Variants in RBFOX2 observed in about 807,000 individuals in gnomAD.
The protein encoded by RBFOX2 is RNA binding protein fox-1 homolog 2.
A neutral mutation model predicts 49.1 loss-of-function variants in RBFOX2; 10 were observed. The ratio of observed to expected loss-of-function variants is 0.20; its 90% CI spans 0.13 to 0.35. The LOEUF (loss-of-function observed/expected upper bound fraction) is 0.35. RBFOX2 is among the 10% of genes least tolerant of loss of function. RBFOX2 has a pLI of 1.00. For synonymous variants in RBFOX2, 183 were observed against 187.4 expected, an observed-to-expected ratio of 0.98 and a Z score of 0.19; for missense variants, 323 against 486.9, an observed-to-expected ratio of 0.66 and a Z score of 3.17.
chr22:35,925,391 T>C (rs1332770018), intron 1 of RBFOX2, among the ~76,000 whole-genome samples: 1 of 151,976 alleles, frequency 6.6e-6, no homozygotes, highest in African/African-American at 2.4e-5. Context: ...CTAGGCGTGG[T>C]AGCACATGCA....
intron 1 of RBFOX2, chr22:35,822,031 C>G (rs1006173456): frequency 9.9e-6 from 5 of 503,092 alleles, no homozygotes; most frequent in African/African-American, 9.7e-5. Flanking sequence ...AGGCCTATTA[C>G]AAAGAGAGGG....
intron 1 of RBFOX2, among the ~76,000 whole-genome samples, chr22:35,973,274 T>A (rs938195124): frequency 2.0e-5 from 3 of 152,236 alleles, no homozygotes; most frequent in Non-Finnish European, 4.4e-5. Flanking sequence ...ACTGTTCTAA[T>A]AAATCTGAAG....
chr22:35,981,180 A>C (rs2057439652), intron 1 of RBFOX2, among the ~76,000 whole-genome samples: 1 of 152,176 alleles, frequency 6.6e-6, no homozygotes, highest in Non-Finnish European at 1.5e-5. Context: ...AGTTAGGTAG[A>C]TTGAGCAAGG....
At chr22:35,975,727 A>C (rs1051131933) in intron 1 of RBFOX2, among the ~76,000 whole-genome samples, 1 of 152,134 alleles carries the variant, frequency 6.6e-6, no homozygotes, top group Admixed American at 6.6e-5. Flanking sequence ...AAAAAAAATC[A>C]AATTTTCATG....
intron 1 of RBFOX2, among the ~76,000 whole-genome samples, chr22:35,971,927 A>C (rs927910578): frequency 1.3e-5 from 2 of 150,980 alleles, no homozygotes; most frequent in Non-Finnish European, 3.0e-5. Context: ...AAAAAAAAAA[A>C]AAAAAAAAAA....
intron 1 of RBFOX2, among the ~76,000 whole-genome samples, chr22:36,010,184 T>C (rs971559748): frequency 1.3e-5 from 2 of 152,138 alleles, no homozygotes; most frequent in Non-Finnish European, 2.9e-5. Flanking sequence ...CCCAGATCGA[T>C]GGCTCTTATC....
intron 1 of RBFOX2, among the ~76,000 whole-genome samples, chr22:35,981,472 T>C (rs1340718060): frequency 1.3e-5 from 2 of 151,926 alleles, no homozygotes; most frequent in African/African-American, 2.4e-5. Flanking sequence ...TAAATCCTTA[T>C]CTCTACTAAA....
At chr22:35,926,540 G>A (rs1180308358) in intron 1 of RBFOX2, among the ~76,000 whole-genome samples, 1 of 152,090 alleles carries the variant, frequency 6.6e-6, no homozygotes, top group Admixed American at 6.6e-5. Flanking sequence ...TAAGCAACTG[G>A]GTCATGAGTG....
intron 9 of RBFOX2, among the ~76,000 whole-genome samples, chr22:35,752,145 C>T (rs531310105): frequency 6.6e-6 from 1 of 152,326 alleles, no homozygotes; most frequent in East Asian, 1.9e-4. Context: ...TGTAGCAGCA[C>T]AGTCCAATTA....
At chr22:35,861,711 T>C (rs2043115692) in intron 1 of RBFOX2, among the ~76,000 whole-genome samples, 1 of 152,200 alleles carries the variant, frequency 6.6e-6, no homozygotes, top group Non-Finnish European at 1.5e-5. Flanking sequence ...ATAACCAATG[T>C]GGAAACAGTT....
exon 12 of RBFOX2, chr22:35,744,083 T>G (rs117617596): frequency 0.017 from 14,332 of 831,892 alleles, 171 homozygotes; most frequent in Non-Finnish European, 0.021. Flanking sequence ...TTGTGTTTTT[T>G]TTTGTTTGTT....
intron 1 of RBFOX2, among the ~76,000 whole-genome samples, chr22:35,882,528 A>G (rs2046038850): frequency 2.0e-5 from 3 of 152,246 alleles, no homozygotes; most frequent in Non-Finnish European, 4.4e-5. Context: ...TTATTTTTAA[A>G]TAAGTGGAAG....
At chr22:35,763,734 TA>T (rs926619758) in intron 6 of RBFOX2, among the ~76,000 whole-genome samples, 2 of 152,338 alleles carry the variant, frequency 1.3e-5, no homozygotes, top group South Asian at 4.1e-4. Flanking sequence ...AGGTCAATAC[TA>T]TACTTTTCTG....
intron 1 of RBFOX2, among the ~76,000 whole-genome samples, chr22:35,961,303 C>T (rs922039381): frequency 5.9e-5 from 9 of 152,140 alleles, no homozygotes; most frequent in Non-Finnish European, 2.9e-5. Flanking sequence ...TTCAGGGATA[C>T]AACTATAAAA....
intron 2 of RBFOX2, among the ~76,000 whole-genome samples, chr22:35,786,002 A>C (rs1316527445): frequency 6.6e-6 from 1 of 152,212 alleles, no homozygotes; most frequent in East Asian, 1.9e-4. Context: ...TCTTCAATCA[A>C]ACTTTAAAAC....
intron 2 of RBFOX2, among the ~76,000 whole-genome samples, chr22:35,809,160 A>G (rs1951334014): frequency 6.6e-6 from 1 of 152,058 alleles, no homozygotes; most frequent in Non-Finnish European, 1.5e-5. Flanking sequence ...AGTGATGATG[A>G]TAAATTCTTT....
At chr22:36,010,704 T>C (rs2146365055) in intron 1 of RBFOX2, among the ~76,000 whole-genome samples, 1 of 150,696 alleles carries the variant, frequency 6.6e-6, no homozygotes, top group Non-Finnish European at 1.5e-5. Context: ...TAACTCCACA[T>C]CTGAATCAGA....
At chr22:36,010,160 T>C (rs2146356938) in intron 1 of RBFOX2, among the ~76,000 whole-genome samples, 1 of 152,152 alleles carries the variant, frequency 6.6e-6, no homozygotes, top group Middle Eastern at 3.4e-3. Flanking sequence ...TTCCCACCTA[T>C]CAGCAGCCAC....
At chr22:35,740,700 T>A (rs1167765657) in exon 12 of RBFOX2, 2 of 152,510 alleles carry the variant, frequency 1.3e-5, no homozygotes, top group Non-Finnish European at 2.9e-5. Flanking sequence ...TTCCAGTCTG[T>A]CCCTTGGTTG....
Sources: gnomAD v4.1 joint callset for allele counts (sites outside exome capture counted in the v4.1 genomes callset) on GRCh38, gnomAD v4.1.1 for gene constraint, MANE v1.5 for transcripts, NCBI Gene and HGNC (gene_info 2026-07-23, HGNC 2026-07-21) for gene names.